RPE65: variants seen among roughly 807,000 people sequenced by gnomAD.
RPE65 encodes retinoid isomerohydrolase.
In RPE65, 58 loss-of-function variants were observed where a neutral mutation model predicts 68.5. That is an observed-to-expected ratio of 0.85 (90% CI 0.69 to 1.05). The LOEUF (loss-of-function observed/expected upper bound fraction) is 1.05, where lower values mean the gene tolerates loss of function less well. Among genes scored for constraint, RPE65 ranks in the 50% least tolerant of loss-of-function variants. The pLI is 0.00. For missense variants in RPE65, 643 were observed against 629.9 expected (o/e 1.02, Z -0.22); for synonymous variants, 220 against 222.2 (o/e 0.99, Z 0.09).
chr1:68,437,975 TG>T (rs1160406418), intron 10 of RPE65, among the ~76,000 whole-genome samples: 1 of 152,250 alleles, frequency 6.6e-6, no homozygotes, highest in African/African-American at 2.4e-5. Flanking sequence ...GTTCTTATCC[TG>T]GCTCTGCTGC....
chr1:68,435,181 TTTCTTTTTCTGGCTTCTCTTG>T (rs1645852265), intron 10 of RPE65, among the ~76,000 whole-genome samples: 2 of 37,420 alleles, frequency 5.3e-5, no homozygotes, highest in African/African-American at 9.8e-4. Context: ...GTGGCTCTTG[TTTCTTTTTCTGGCTTCTCTTG>T]TTTCTTTTTC....
Position 68,444,970 on chromosome 1 carries a change from C to T in RPE65, c.246-87G>A, listed in dbSNP as rs1024555711. 8.0e-5 allele frequency: 86 copies of T among 1,069,950 alleles called. No homozygotes were observed. The African/African-American group carries it at 1.1e-3, about 14-fold the overall frequency. The allele number at this position is 1,069,950 out of a possible 1,614,324, so 66.3% of individuals were successfully genotyped here. A position where few individuals can be genotyped will look rare whatever the true frequency, so the allele number is the denominator to read the frequency against. ...AGCTTAGAATGGCCATTCTATGTGT[C>T]CTCATCAAGTCACAATCATAAATGC... On this transcript the variant is annotated intron_variant, in intron 3 of 13. Transcript: ENST00000262340.
intron 13 of RPE65, 63 bp from the exon 14 acceptor site, chr1:68,429,990 G>A: frequency 6.3e-7 from 1 of 1,590,710 alleles, no homozygotes; most frequent in Non-Finnish European, 8.6e-7. Flanking sequence ...TAGATTGAAT[G>A]TCATTGAAAT....
At chr1:68,443,593 C>T (rs1254959455) in intron 5 of RPE65, among the ~76,000 whole-genome samples, 1 of 152,156 alleles carries the variant, frequency 6.6e-6, no homozygotes, top group Admixed American at 6.5e-5. Flanking sequence ...AAAGCCTTTC[C>T]CTTTAAGCCT....
chr1:68,438,840 C>T, intron 9 of RPE65, 102 bp downstream of exon 9: 5 of 1,416,758 alleles, frequency 3.5e-6, no homozygotes, highest in Non-Finnish European at 4.0e-6. Flanking sequence ...ATAACTCTTG[C>T]TGTTTTAGAT....
intron 10 of RPE65, 145 bp from the exon 11 acceptor site, chr1:68,431,730 T>C (rs993661107): frequency 8.3e-6 from 6 of 721,808 alleles, no homozygotes; most frequent in Non-Finnish European, 1.5e-5. Flanking sequence ...TGAGGGACCC[T>C]GGGACGCGAC....
intron 12 of RPE65, 31 bp downstream of exon 12, chr1:68,431,251 T>G: frequency 6.2e-7 from 1 of 1,610,850 alleles, no homozygotes; most frequent in African/African-American, 1.3e-5. Context: ...CTCAAAGCAC[T>G]GTTCAAATAT....
In RPE65 at chr1:68,449,896, G is replaced by C; in HGVS notation, c.10C>G (p.Gln4Glu). ...AAAAAGTCTCCCAGAGATACTTACT[G>C]GATAGACATTTTCTTCCAGTTCAGG... is the stretch of plus-strand genomic sequence containing the variant. MSIQVEHPAGGYKK... is the reference protein window; with the variant it reads MSIEVEHPAGGYKK... The change falls in exon 1 of 14, where the codon CAG becomes GAG. Residue 4 changes from glutamine to glutamate, a missense_variant and splice_region_variant. Physicochemically the swap from Gln to Glu is conservative, Grantham distance 29 (BLOSUM62 2). Transcript: ENST00000262340. 1 of 1,614,106 alleles carries C rather than the reference G, an allele frequency of 6.2e-7. No individual in the cohort carries two copies. The highest frequency in any genetic ancestry group is 8.5e-7 in the Non-Finnish European group (1 of 1,179,966).
intron 3 of RPE65, among the ~76,000 whole-genome samples, chr1:68,446,201 G>A (rs1645941722): frequency 6.6e-6 from 1 of 151,878 alleles, no homozygotes. Context: ...TCACTACTTT[G>A]TGGCAGCCCC....
intron 10 of RPE65, among the ~76,000 whole-genome samples, chr1:68,434,160 T>A (rs1305165904): frequency 6.6e-6 from 1 of 151,028 alleles, no homozygotes; most frequent in African/African-American, 2.4e-5. Context: ...CTTGGCTATA[T>A]GATTAGATAA....
At chr1:68,438,543 T>C (rs1441933268) in intron 9 of RPE65, among the ~76,000 whole-genome samples, 1 of 152,180 alleles carries the variant, frequency 6.6e-6, no homozygotes, top group Non-Finnish European at 1.5e-5. Flanking sequence ...AGATACTTTC[T>C]GTTCTGTCTT....
In RPE65 at chr1:68,446,658, C is replaced by T. The variant is rs2100831049; in HGVS notation, c.245+52G>A. On this transcript the variant is annotated intron_variant, in intron 3 of 13. Coordinates refer to ENST00000262340, the MANE Select transcript of RPE65 (RefSeq NM_000329.3). ...GTGAAAACTCACATGGGAGGAGGAG[C>T]CAAGCTAGGCCCTACTTTGAGGAGG... The T allele has an allele frequency of 5.6e-6, 9 of 1,612,674 alleles. No homozygotes were observed. In the South Asian group the frequency reaches 6.6e-5, roughly 12 times the overall value.
At chr1:68,448,776 T>C (rs1321173851) in intron 1 of RPE65, 70 bp from the exon 2 acceptor site, 3 of 1,363,122 alleles carry the variant, frequency 2.2e-6, no homozygotes, top group African/African-American at 3.0e-5. Context: ...GAGGCAGAGC[T>C]GCAGGAGAGA....
chr1:68,437,232 T>G (rs1645868343), intron 10 of RPE65, among the ~76,000 whole-genome samples: 1 of 152,172 alleles, frequency 6.6e-6, no homozygotes, highest in Admixed American at 6.5e-5. Flanking sequence ...CCAGTCTCTC[T>G]GCCCAAAACC....
intron 5 of RPE65, 71 bp downstream of exon 5, chr1:68,444,460 A>C: frequency 6.3e-7 from 1 of 1,574,978 alleles, no homozygotes; most frequent in South Asian, 1.1e-5. Context: ...CGCAGCATGA[A>C]TAATTTATGT....
In RPE65 at chr1:68,431,285, A is replaced by G. The variant is rs746506594; in HGVS notation, c.1335T>C (p.Asp445=). Residue 445 remains aspartate (D), a synonymous_variant, in exon 12 of 14, where the codon GAT becomes GAC. Transcript: ENST00000262340. ...YGLGLNHFVP[D]RLCKLNVKTK... is the part of the protein sequence containing the mutation. ...ATTAGTAAGAAGGATTAATTACCCTATCTGGAACAAAGTGATTCAAGCCAA... is the reference window on the plus strand; with the variant it reads ...ATTAGTAAGAAGGATTAATTACCCTGTCTGGAACAAAGTGATTCAAGCCAA... 8.1e-6 allele frequency: 13 copies of G among 1,613,538 alleles called. No individual in the cohort carries two copies. The Middle Eastern group carries it at 4.9e-4, about 61-fold the overall frequency.
chr1:68,436,810 C>G (rs113568355), intron 10 of RPE65, among the ~76,000 whole-genome samples: 2 of 152,028 alleles, frequency 1.3e-5, no homozygotes, highest in Non-Finnish European at 2.9e-5. Context: ...TGAATTATAC[C>G]ATCATTCACT....
At chr1:68,431,218 A>G (rs763463652) in intron 12 of RPE65, 42 bp from the exon 13 acceptor site, 1 of 1,602,202 alleles carries the variant, frequency 6.2e-7, no homozygotes, top group Non-Finnish European at 8.6e-7. Context: ...ATCAGTCAAT[A>G]TGCTTTACTT....
At chr1:68,449,828 C>A in intron 1 of RPE65, 67 bp downstream of exon 1, 1 of 1,555,752 alleles carries the variant, frequency 6.4e-7, no homozygotes, top group Non-Finnish European at 8.9e-7. Flanking sequence ...CTTCAGGAGC[C>A]CTTGAAATAG....
Sources: gnomAD v4.1 joint callset for allele counts (sites outside exome capture counted in the v4.1 genomes callset) on GRCh38, gnomAD v4.1.1 for gene constraint, MANE v1.5 for transcripts, NCBI Gene and HGNC (gene_info 2026-07-23, HGNC 2026-07-21) for gene names.